ARHGAP20: variants seen among roughly 807,000 people sequenced by gnomAD.
ARHGAP20 encodes the protein rho GTPase-activating protein 20.
A neutral mutation model predicts 73.7 loss-of-function variants in ARHGAP20; 34 were observed. The ratio of observed to expected loss-of-function variants is 0.46; its 90% confidence interval spans 0.35 to 0.61. The LOEUF (loss-of-function observed/expected upper bound fraction) is 0.61. Ranked by LOEUF, ARHGAP20 falls within the 20% of genes least tolerant of loss-of-function variation. The probability of loss-of-function intolerance (pLI) is 0.00; values close to 1 mark genes in which losing one functional copy is unlikely to be tolerated. For missense variants in ARHGAP20, 1,314 were observed against 1,420.9 expected (o/e 0.92, Z 1.21); for synonymous variants, 523 against 518.2 (o/e 1.01, Z -0.13).
At chr11:110,706,186 A>T (rs1447457722) in intron 1 of ARHGAP20, among the ~76,000 whole-genome samples, 1 of 152,084 alleles carries the variant, frequency 6.6e-6, no homozygotes, top group African/African-American at 2.4e-5. Context: ...TATAATTTAA[A>T]CCTACTCTCC....
At chr11:110,687,055 TAGACACACACACACACACACAC>T (rs1950149548) in intron 2 of ARHGAP20, among the ~76,000 whole-genome samples, 3 of 113,496 alleles carry the variant, frequency 2.6e-5, no homozygotes, top group South Asian at 3.1e-4. Context: ...TATATATATA[TAGACACACACACACACACACAC>T]ATATATATAG....
intron 9 of ARHGAP20, among the ~76,000 whole-genome samples, chr11:110,601,931 A>C (rs1415604844): frequency 6.6e-6 from 1 of 151,912 alleles, no homozygotes; most frequent in Non-Finnish European, 1.5e-5. Flanking sequence ...CAGTGAGCAG[A>C]GATCGTGCCA....
chr11:110,653,482 C>A (rs1050832241), intron 2 of ARHGAP20, among the ~76,000 whole-genome samples: 1 of 152,138 alleles, frequency 6.6e-6, no homozygotes, highest in Non-Finnish European at 1.5e-5. Context: ...AGCTCAAAAT[C>A]CCTGATCATT....
chr11:110,711,720 C>T, intron 1 of ARHGAP20: 1 of 1,409,764 alleles, frequency 7.1e-7, no homozygotes. Flanking sequence ...GGGGCTGACA[C>T]CGCCAAAGGG....
chr11:110,588,548 AG>A (rs894729574), intron 11 of ARHGAP20, among the ~76,000 whole-genome samples: 80 of 152,330 alleles, frequency 5.3e-4, no homozygotes, highest in African/African-American at 1.9e-3. Flanking sequence ...TTGGAAGAAA[AG>A]GGGGTAAAAC....
chr11:110,704,296 C>A (rs1375319737), intron 1 of ARHGAP20, among the ~76,000 whole-genome samples: 1 of 152,188 alleles, frequency 6.6e-6, no homozygotes, highest in African/African-American at 2.4e-5. Flanking sequence ...GGCCACAGAG[C>A]AGCTGCGTTT....
intron 14 of ARHGAP20, among the ~76,000 whole-genome samples, chr11:110,581,908 A>T (rs1947480083): frequency 6.8e-6 from 1 of 147,294 alleles, no homozygotes; most frequent in African/African-American, 2.5e-5. Context: ...TGTCTGAGGG[A>T]CCAGTACAAG....
At position 110,606,016 on chromosome 11, in the gene ARHGAP20, A is replaced by C. The variant is rs370556765; in HGVS notation, c.964+545T>G. 3.3e-5 allele frequency among the ~76,000 whole-genome samples: 5 copies of C among 152,336 alleles called. 1 individual carries two copies. The highest frequency in any genetic ancestry group is 1.2e-4 in the African/African-American group (5 of 41,572). On this transcript the variant is annotated intron_variant, in intron 9 of 14. Transcript: ENST00000683387. ...TTACAGTTCTCTTATATTGAAGATC[A>C]CTTTTATCATTCCAGAGTCTTTATT...
chr11:110,671,861 A>G (rs940500068), intron 2 of ARHGAP20, among the ~76,000 whole-genome samples: 12 of 152,168 alleles, frequency 7.9e-5, no homozygotes, highest in East Asian at 1.9e-4. Flanking sequence ...GATTTTCTAC[A>G]AAGGTTCCAG....
At chr11:110,618,458 T>C (rs1211908121) in intron 4 of ARHGAP20, among the ~76,000 whole-genome samples, 1 of 152,252 alleles carries the variant, frequency 6.6e-6, no homozygotes, top group African/African-American at 2.4e-5. Flanking sequence ...GGACTTCCTG[T>C]GTCTTTTGAC....
chr11:110,704,111 C>T (rs1307733296), intron 1 of ARHGAP20, among the ~76,000 whole-genome samples: 1 of 152,100 alleles, frequency 6.6e-6, no homozygotes, highest in African/African-American at 2.4e-5. Flanking sequence ...ATCAGACAGC[C>T]ATATCAAATG....
At chr11:110,616,376 C>G (rs1382622993) in intron 4 of ARHGAP20, among the ~76,000 whole-genome samples, 1 of 151,880 alleles carries the variant, frequency 6.6e-6, no homozygotes, top group African/African-American at 2.4e-5. Flanking sequence ...TCATATTTCT[C>G]TCTCATATTT....
intron 8 of ARHGAP20, among the ~76,000 whole-genome samples, chr11:110,607,451 T>C (rs951995910): frequency 1.3e-5 from 2 of 152,180 alleles, no homozygotes; most frequent in East Asian, 1.9e-4. Context: ...GACTACAACA[T>C]GATTTTAACT....
At chr11:110,695,943 A>C (rs1950327335) in intron 1 of ARHGAP20, among the ~76,000 whole-genome samples, 1 of 151,772 alleles carries the variant, frequency 6.6e-6, no homozygotes, top group Admixed American at 6.6e-5. Flanking sequence ...ATGAATGGGT[A>C]AACAAAATGT....
intron 2 of ARHGAP20, among the ~76,000 whole-genome samples, chr11:110,680,276 C>G (rs954314079): frequency 1.3e-5 from 2 of 152,006 alleles, no homozygotes; most frequent in Non-Finnish European, 2.9e-5. Context: ...AGGGTTCAAA[C>G]CCAAAAAAGA....
chr11:110,679,727 T>TGG (rs1461515681), intron 2 of ARHGAP20, among the ~76,000 whole-genome samples: 1 of 152,214 alleles, frequency 6.6e-6, no homozygotes, highest in African/African-American at 2.4e-5. Context: ...ATGGAAAGAA[T>TGG]GGGTGACTCC....
chr11:110,644,555 A>G (rs1262068083), intron 2 of ARHGAP20, among the ~76,000 whole-genome samples: 6 of 151,926 alleles, frequency 3.9e-5, no homozygotes, highest in African/African-American at 1.2e-4. Flanking sequence ...CAGGGGAAAG[A>G]CTCCCTATTC....
At chr11:110,609,331 T>G (rs1268022744) in intron 7 of ARHGAP20, among the ~76,000 whole-genome samples, 2 of 152,162 alleles carry the variant, frequency 1.3e-5, no homozygotes, top group African/African-American at 4.8e-5. Flanking sequence ...CCTCCACTTC[T>G]CAGAGAATAT....
intron 2 of ARHGAP20, among the ~76,000 whole-genome samples, chr11:110,672,176 T>G (rs974886321): frequency 1.3e-5 from 2 of 152,134 alleles, no homozygotes; most frequent in African/African-American, 2.4e-5. Context: ...GACTTTATCA[T>G]AATTAAAAAC....
Sources: allele counts gnomAD v4.1 joint callset (sites outside exome capture counted in the v4.1 genomes callset), GRCh38; gene constraint gnomAD v4.1.1; transcripts MANE v1.5; gene names NCBI Gene and HGNC (gene_info 2026-07-23, HGNC 2026-07-21).